Variants in MKS1 observed in about 807,000 individuals in gnomAD.
MKS1 encodes MKS transition zone complex subunit 1.
A neutral mutation model predicts 83.7 loss-of-function variants in MKS1; 70 were observed. That is an observed-to-expected ratio of 0.84 (90% confidence interval 0.69 to 1.02). The LOEUF is 1.02. Among genes scored for constraint, MKS1 ranks in the 50% least tolerant of loss-of-function variants. MKS1 has a pLI of 0.00. For synonymous variants in MKS1, 251 were observed against 273.4 expected (o/e 0.92, Z 0.81); for missense variants, 681 against 726.9 (o/e 0.94, Z 0.73).
chr17:58,206,756 T>C (rs1968538804), intron 15 of MKS1: 3 of 666,828 alleles, frequency 4.5e-6, no homozygotes, highest in Non-Finnish European at 5.2e-6. Context: ...CCAACCTCAT[T>C]TGAGAAGCGG....
rs756709080 is a variant in MKS1, at chr17:58,218,731, T to A, written c.81-2A>T. On this transcript the variant is annotated splice_acceptor_variant, in intron 1 of 17. Coordinates refer to ENST00000393119, the MANE Select transcript of MKS1 (RefSeq NM_017777.4). LOFTEE classifies it high-confidence loss of function. ...GATGTGATTCTTTGCAGGTGGACTC[T>A]GTCAAGAAAAGCCCAAAATATTCGT... 1 of 1,612,524 alleles carries A rather than the reference T, an allele frequency of 6.2e-7. No individual in the cohort carries two copies. The highest frequency in any genetic ancestry group is 8.5e-7 in the Non-Finnish European group (1 of 1,178,644).
chr17:58,214,302 G>A lies in MKS1; in HGVS notation c.601C>T (p.Leu201Phe). 1 of 1,614,172 alleles carries A rather than the reference G, an allele frequency of 6.2e-7. No homozygotes were observed. The highest frequency in any genetic ancestry group is 8.5e-7 in the Non-Finnish European group (1 of 1,180,040). ...VRNNHVINTP[L>F]QTMHIMADLG... ...TCTGCCATGATGTGCATTGTCTGAA[G>A]AGGGGTGTTAATGACGTGGTTGTTC... Residue 201 changes from leucine to phenylalanine, a missense_variant, in exon 6 of 18, where the codon CTT becomes TTT. Transcript: ENST00000393119.
chr17:58,215,103 CA>C (rs1462906382), intron 4 of MKS1, among the ~76,000 whole-genome samples: 1 of 152,066 alleles, frequency 6.6e-6, no homozygotes, highest in Non-Finnish European at 1.5e-5. Flanking sequence ...GAGCACAAAC[CA>C]ACAAAAAGTT....
At chr17:58,212,336 C>A in intron 9 of MKS1, 42 bp downstream of exon 9, 1 of 1,611,690 alleles carries the variant, frequency 6.2e-7, no homozygotes, top group Middle Eastern at 1.7e-4. Context: ...AATGCTCCGG[C>A]TAAACACAGC....
At chr17:58,208,462 C>T (rs752903974) in intron 12 of MKS1, 51 bp downstream of exon 12, 1 of 1,595,828 alleles carries the variant, frequency 6.3e-7, no homozygotes, top group East Asian at 2.2e-5. Flanking sequence ...CAAATGCCAT[C>T]CCAGGAGCAG....
Position 58,214,788 on chromosome 17 carries a change from G to A in MKS1, c.468C>T (p.Val156=), listed in dbSNP as rs199684837. The part of the protein sequence containing the change: ...TAASEVPSFL[V]ERMANVRRRR... ...GACGCCTGACATTTGCCATTCGCTC[G>A]ACCAAGAATGAAGGCACCTCGCTGG... Residue 156 remains valine (V), a synonymous_variant, in exon 5 of 18, where the codon GTC becomes GTT. Coordinates refer to ENST00000393119, the MANE Select transcript of MKS1 (RefSeq NM_017777.4). 7.2e-5 allele frequency: 115 copies of A among 1,606,748 alleles called. No homozygotes were observed. Among genetic ancestry groups the A allele is most frequent in the Admixed American group, 1.3e-4 (8 of 59,964 alleles).
At position 58,207,918 on chromosome 17, in the gene MKS1, C is replaced by T. The variant is rs1968621632; in HGVS notation, c.1249G>A (p.Ala417Thr). 2 of 1,614,040 alleles carry T rather than the reference C, an allele frequency of 1.2e-6. No individual in the cohort carries two copies. Among genetic ancestry groups the T allele is most frequent in the Non-Finnish European group, 1.7e-6 (2 of 1,179,978 alleles). The change falls in exon 14 of 18, where the codon GCT becomes ACT. Residue 417 changes from alanine (A) to threonine (T), a missense_variant. Physicochemically the swap from Ala to Thr is moderately conservative, Grantham distance 58. Coordinates refer to ENST00000393119, the MANE Select transcript of MKS1 (RefSeq NM_017777.4). ...WQRYRVEGYG[A>T]VVLPATPGSH... ...CCTGGAGTGGCAGGCAGCACCACAG[C>T]CCCATAGCCTTCCACACGGTACCTC...
chr17:58,214,604 AT>A, intron 5 of MKS1, 136 bp downstream of exon 5: 6 of 1,055,066 alleles, frequency 5.7e-6, no homozygotes, highest in Non-Finnish European at 6.4e-6. Context: ...GATATTTTAT[AT>A]TTTTATATTT....
Position 58,207,227 on chromosome 17 carries a change from G to A in MKS1, c.1274-9C>T. Reference sequence around the variant, plus strand: ...TGTCAGGGTGTGTGAGCCTGCGCAAGGGAAGAGAAGACTGGGGCCAGGTCC... The same window carrying A: ...TGTCAGGGTGTGTGAGCCTGCGCAAAGGAAGAGAAGACTGGGGCCAGGTCC... On this transcript the variant is annotated splice_polypyrimidine_tract_variant and intron_variant, in intron 14 of 17. Transcript: ENST00000393119. 1 of 1,613,856 alleles carries A rather than the reference G, an allele frequency of 6.2e-7. No homozygotes were observed. The highest frequency in any genetic ancestry group is 1.7e-5 in the Admixed American group (1 of 60,032).
chr17:58,205,746 T>C lies in MKS1; in HGVS notation c.*333A>G, dbSNP rs1413303931. 2.2e-6 allele frequency: 3 copies of C among 1,382,862 alleles called. No homozygotes were observed. Among genetic ancestry groups the C allele is most frequent in the Non-Finnish European group, 2.9e-6 (3 of 1,040,992 alleles). 85.7% of individuals were successfully genotyped at this position (1,382,862 alleles called of 1,614,324 possible). ...TGGAGAACAGCAGATCCCCTGCTACTGTGAGACAAGCCAGAAAAGTGAGTC... is the reference window on the plus strand; with the variant it reads ...TGGAGAACAGCAGATCCCCTGCTACCGTGAGACAAGCCAGAAAAGTGAGTC... On this transcript the variant is annotated 3_prime_UTR_variant, in exon 18 of 18. Transcript: ENST00000393119.
chr17:58,208,258 A>G (rs780773545), intron 12 of MKS1, 84 bp from the exon 13 acceptor site: 3 of 1,312,866 alleles, frequency 2.3e-6, no homozygotes, highest in African/African-American at 1.4e-5. Flanking sequence ...TATCTTCACA[A>G]GGGAAAAAGA....
At chr17:58,208,359 T>C (rs1968660537) in intron 12 of MKS1, 154 bp downstream of exon 12, 2 of 989,898 alleles carry the variant, frequency 2.0e-6, no homozygotes, top group Non-Finnish European at 3.1e-6. Context: ...ACAGACAGGA[T>C]CTCCGGACCA....
At chr17:58,210,490 C>T (rs1384237970) in intron 11 of MKS1, among the ~76,000 whole-genome samples, 169 bp downstream of exon 11, 11 of 152,130 alleles carry the variant, frequency 7.2e-5, no homozygotes, top group Admixed American at 5.2e-4. Context: ...GAAGGTCAAG[C>T]GAGGTGAAAG....
rs915370426 is a variant in MKS1 at position 58,206,102 on chromosome 17, G to A, written c.1657C>T (p.Pro553Ser). ...AGCTAGGAGACCAGGGTTCCAGAGG[G>A]GCTCACTAGGTCCTGCGGGAGGCTT... ...RESLPQDLVS[P>S]SGTLVS The change falls in exon 18 of 18, where the codon CCC (proline) becomes TCC (serine). Residue 553 changes from proline to serine, a missense_variant. Pro to Ser is a moderately conservative substitution (Grantham distance 74). Transcript: ENST00000393119. 6.8e-6 allele frequency: 11 copies of A among 1,612,706 alleles called. No homozygotes were observed.
Position 58,214,243 on chromosome 17 carries a change from G to A in MKS1, c.644+16C>T. 2 of 1,614,156 alleles carry A rather than the reference G, an allele frequency of 1.2e-6. No homozygotes were observed. The highest frequency in any genetic ancestry group is 1.1e-5 in the South Asian group (1 of 91,072). ...AAGGATGAGGCTCTAAGCTGGCAGT[G>A]AGAAGCGCCACTCACTTTTTATAGG... On this transcript the variant is annotated intron_variant, in intron 6 of 17. Transcript: ENST00000393119.
At position 58,212,414 on chromosome 17, in the gene MKS1, C is replaced by T; in HGVS notation, c.879G>A (p.Glu293=). The T allele has an allele frequency of 1.9e-6, 3 of 1,614,186 alleles. No individual in the cohort carries two copies. The highest frequency in any genetic ancestry group is 2.5e-6 in the Non-Finnish European group (3 of 1,180,032). ...VFKDLYGRHK[E]YLSSLVGTDF... ...CGGTGCCTACGAGGCTGCTGAGATA[C>T]TCCTTGTGCCGGCCATAAAGCTGAG... The change falls in exon 9 of 18, where the codon GAG becomes GAA. Residue 293 remains glutamate (E), a synonymous_variant. Transcript: ENST00000393119.
intron 7 of MKS1, 109 bp downstream of exon 7, chr17:58,213,656 A>G: frequency 1.2e-6 from 1 of 854,572 alleles, no homozygotes; most frequent in Non-Finnish European, 2.0e-6. Context: ...TGGGAATGTA[A>G]AAGTTAGAAC....
Position 58,207,699 on chromosome 17 carries a change from G to A in MKS1, c.1273+195C>T, listed in dbSNP as rs1249169963. On this transcript the variant is annotated intron_variant, in intron 14 of 17. Transcript: ENST00000393119. ...CATGAAGCACATGGAGAGACTGTCAGGAAGTCAGTGCCAAGGCCACGTCAT... is the reference window on the plus strand; with the variant it reads ...CATGAAGCACATGGAGAGACTGTCAAGAAGTCAGTGCCAAGGCCACGTCAT... The A allele has an allele frequency of 7.6e-6, 5 of 660,182 alleles. No individual in the cohort carries two copies. In the Admixed American group the frequency reaches 1.1e-4, roughly 14 times the overall value. The allele number at this position is 660,182 out of a possible 1,614,324, so 40.9% of individuals were successfully genotyped here. A position where few individuals can be genotyped will look rare whatever the true frequency, so the allele number is the denominator to read the frequency against.
chr17:58,208,246 G>T (rs1968652335), intron 12 of MKS1, 72 bp from the exon 13 acceptor site: 5 of 1,391,804 alleles, frequency 3.6e-6, no homozygotes, highest in Admixed American at 1.7e-5. Context: ...CAATGACAAG[G>T]TTATCTTCAC....
Sources: allele counts gnomAD v4.1 joint callset (sites outside exome capture counted in the v4.1 genomes callset), GRCh38; gene constraint gnomAD v4.1.1; transcripts MANE v1.5; gene names NCBI Gene and HGNC (gene_info 2026-07-23, HGNC 2026-07-21).